The following GIGYF2 variants were observed in gnomAD, a reference collection of about 807,000 sequenced individuals.
The protein encoded by GIGYF2 is GRB10 interacting GYF protein 2.
Under a neutral mutation model 208.1 loss-of-function variants are expected in GIGYF2, and 25 were observed. The observed-to-expected ratio is 0.12, with a 90% CI of 0.09 to 0.17. GIGYF2 has a LOEUF of 0.17. Ranked by LOEUF, GIGYF2 falls within the 10% of genes least tolerant of loss-of-function variation. GIGYF2 has a pLI of 1.00. For missense variants in GIGYF2, 1,302 were observed against 1,579.4 expected (o/e 0.82, Z 2.98); for synonymous variants, 534 against 543.8 (o/e 0.98, Z 0.25).
intron 21 of GIGYF2, among the ~76,000 whole-genome samples, chr2:232,823,754 T>G (rs759258749): frequency 6.6e-6 from 1 of 152,340 alleles, no homozygotes; most frequent in Non-Finnish European, 1.5e-5. Flanking sequence ...CGAAAAAGTT[T>G]GTGTAAGATT....
At chr2:232,735,947 A>G (rs1697717095) in intron 3 of GIGYF2, 4 of 984,194 alleles carry the variant, frequency 4.1e-6, no homozygotes, top group Non-Finnish European at 4.8e-6. Flanking sequence ...CTTTGGTAAT[A>G]TCAGAAGTAG....
At position 232,782,044 on chromosome 2, in the gene GIGYF2, A is replaced by G. The variant is rs139052243; in HGVS notation, c.533-5106A>G. The stretch of plus-strand genomic sequence containing the variant: ...AGGTTATTTATTTACATGTGTGTCC[A>G]TGGACCTGGGGATCAGGTGCTATGT... On this transcript the variant is annotated intron_variant, in intron 8 of 28. Coordinates refer to ENST00000373563, the MANE Select transcript of GIGYF2 (RefSeq NM_001103146.3). Among the ~76,000 whole-genome samples, 1,186 of 152,312 alleles carry G rather than the reference A, an allele frequency of 7.8e-3. 14 individuals carry two copies. The highest frequency in any genetic ancestry group is 0.026 in the African/African-American group (1,096 of 41,550).
intron 18 of GIGYF2, among the ~76,000 whole-genome samples, chr2:232,814,565 A>ACCCCC (rs35081043): frequency 2.2e-4 from 17 of 75,956 alleles, no homozygotes; most frequent in African/African-American, 3.3e-4. Flanking sequence ...TCCACCTCAA[A>ACCCCC]CCCCCCCCCC....
At position 232,791,037 on chromosome 2, in the gene GIGYF2, G is replaced by A; in HGVS notation, c.960G>A (p.Glu320=). 6.2e-7 allele frequency: 1 copy of A among 1,614,028 alleles called. No homozygotes were observed. Among genetic ancestry groups the A allele is most frequent in the Non-Finnish European group, 8.5e-7 (1 of 1,179,962 alleles). The change falls in exon 11 of 29, where the codon GAG becomes GAA. Residue 320 remains glutamate (E), a synonymous_variant. Transcript: ENST00000373563. ...TACAGAAAGAGCCTATTCCAGAAGA[G>A]CAGGAGATGGACTTCCGGCCTGTGG... ...KKVQKEPIPE[E]QEMDFRPVDE...
At chr2:232,815,787 C>A in intron 19 of GIGYF2, 50 bp downstream of exon 19, 1 of 934,298 alleles carries the variant, frequency 1.1e-6, no homozygotes, top group South Asian at 1.3e-5. Context: ...GGCTGCAGGA[C>A]ATAAACATTG....
chr2:232,826,094 C>T (rs1048190746), intron 21 of GIGYF2, among the ~76,000 whole-genome samples: 6 of 152,122 alleles, frequency 3.9e-5, no homozygotes, highest in African/African-American at 1.2e-4. Flanking sequence ...TTTCTTAATC[C>T]AGTCTATCAT....
chr2:232,784,472 C>CT (rs1699841010), intron 8 of GIGYF2, among the ~76,000 whole-genome samples: 1 of 139,066 alleles, frequency 7.2e-6, no homozygotes, highest in Non-Finnish European at 1.5e-5. Context: ...TCACTGCAAG[C>CT]TCCACCTCCC....
intron 3 of GIGYF2, among the ~76,000 whole-genome samples, chr2:232,737,697 C>G (rs116114970): frequency 1.3e-5 from 2 of 151,978 alleles, no homozygotes; most frequent in Admixed American, 6.6e-5. Context: ...TTGTTAACAT[C>G]GAACCAGTGT....
intron 2 of GIGYF2, among the ~76,000 whole-genome samples, chr2:232,710,892 G>T (rs1696364107): frequency 6.6e-6 from 1 of 151,598 alleles, no homozygotes; most frequent in Non-Finnish European, 1.5e-5. Context: ...GTAGAGACAG[G>T]GTTTCACTGT....
In GIGYF2 at chr2:232,829,163, T is replaced by C. The variant is rs191371267; in HGVS notation, c.2530-3694T>C. Among the ~76,000 whole-genome samples the C allele has an allele frequency of 2.7e-4, 41 of 152,278 alleles. 1 individual carries two copies. The highest frequency in any genetic ancestry group is 3.4e-3 in the Middle Eastern group (1 of 294). ...CATTTCTTCCTTTAAATGTTAGTAT[T>C]TGCTCTTGTGTCTTGAGGCTCTATT... On this transcript the variant is annotated intron_variant, in intron 21 of 28. Transcript: ENST00000373563.
intron 1 of GIGYF2, chr2:232,698,436 T>G (rs1461660673): frequency 2.6e-5 from 4 of 152,234 alleles, no homozygotes; most frequent in Non-Finnish European, 5.9e-5. Flanking sequence ...GGGGAAGGTA[T>G]TCTTTCTTTA....
chr2:232,773,220 T>C (rs1699343952), intron 8 of GIGYF2, among the ~76,000 whole-genome samples: 1 of 152,228 alleles, frequency 6.6e-6, no homozygotes, highest in Non-Finnish European at 1.5e-5. Context: ...TTTGTTAGAT[T>C]ATTTTTAAAT....
chr2:232,813,397 A>G (rs977498086), intron 18 of GIGYF2, among the ~76,000 whole-genome samples: 1 of 152,066 alleles, frequency 6.6e-6, no homozygotes, highest in African/African-American at 2.4e-5. Context: ...TTTAGTAGAG[A>G]CAGGATTTCA....
In GIGYF2 at chr2:232,791,054, G is replaced by A. The variant is rs1254014301; in HGVS notation, c.977G>A (p.Arg326Gln). The change falls in exon 11 of 29, where the codon CGG becomes CAG. Residue 326 changes from arginine to glutamine, a missense_variant. By Grantham distance (43) the Arg-to-Gln change is conservative. This residue lies in a region of GIGYF2 where 235 missense variants were observed against 218.8 expected (regional missense o/e 1.07). Transcript: ENST00000373563. The stretch of plus-strand genomic sequence containing the variant: ...CCAGAAGAGCAGGAGATGGACTTCC[G>A]GCCTGTGGACGAAGGGGAGGAGTGC... The part of the protein sequence containing the change: ...PIPEEQEMDF[R>Q]PVDEGEECSD... The A allele has an allele frequency of 4.3e-6, 7 of 1,614,008 alleles. No homozygotes were observed. Among genetic ancestry groups the A allele is most frequent in the African/African-American group, 1.3e-5 (1 of 74,984 alleles).
In GIGYF2 at chr2:232,791,106, A is replaced by G. The variant is rs757193259; in HGVS notation, c.1029A>G (p.Glu343=). Reference sequence around the variant, plus strand: ...CTGACTCTGAGGGTAGCCATAATGAAGAGGCCAAAGAACCCGATAAGACAA... The same window carrying G: ...CTGACTCTGAGGGTAGCCATAATGAGGAGGCCAAAGAACCCGATAAGACAA... ...ECSDSEGSHN[E]EAKEPDKTNK... Residue 343 remains glutamate, a synonymous_variant, in exon 11 of 29, where the codon GAA becomes GAG. Transcript: ENST00000373563. 3 of 1,614,000 alleles carry G rather than the reference A, an allele frequency of 1.9e-6. No homozygotes were observed. In the African/African-American group the frequency reaches 4.0e-5, roughly 22 times the overall value.
chr2:232,844,078 T>G lies in GIGYF2; in HGVS notation c.2922T>G (p.Ala974=), dbSNP rs1254011751. ...GCCAGCAGAGGGAGTTGATGAAAGCTCTTCAGCAGCAGCAGCAACAGCAAC... is the reference window on the plus strand; with the variant it reads ...GCCAGCAGAGGGAGTTGATGAAAGCGCTTCAGCAGCAGCAGCAACAGCAAC... ...QRRQQRELMK[A]LQQQQQQQQQ... The change falls in exon 24 of 29, where the codon GCT becomes GCG. Residue 974 remains alanine, a synonymous_variant. Coordinates refer to ENST00000373563, the MANE Select transcript of GIGYF2 (RefSeq NM_001103146.3). 3 of 1,612,084 alleles carry G rather than the reference T, an allele frequency of 1.9e-6. No homozygotes were observed. The African/African-American group carries it at 4.0e-5, about 21-fold the overall frequency.
chr2:232,833,103 G>A lies in GIGYF2; in HGVS notation c.2766+10G>A, dbSNP rs186776403. 26 of 1,542,488 alleles carry A rather than the reference G, an allele frequency of 1.7e-5. No individual in the cohort carries two copies. Among genetic ancestry groups the A allele is most frequent in the African/African-American group, 1.5e-4 (11 of 72,988 alleles). ...GCTGGCGCAGATGAAGGTAAAGCCCGAGGCATCAACCTTAGGAGCTCCTTG... is the reference window on the plus strand; with the variant it reads ...GCTGGCGCAGATGAAGGTAAAGCCCAAGGCATCAACCTTAGGAGCTCCTTG... On this transcript the variant is annotated intron_variant, in intron 22 of 28. Coordinates refer to ENST00000373563, the MANE Select transcript of GIGYF2 (RefSeq NM_001103146.3).
At chr2:232,718,715 C>T (rs1292948580) in intron 2 of GIGYF2, among the ~76,000 whole-genome samples, 1 of 152,170 alleles carries the variant, frequency 6.6e-6, no homozygotes, top group Non-Finnish European at 1.5e-5. Flanking sequence ...TATCTTAATC[C>T]AGATCTGGCT....
At chr2:232,833,877 A>G (rs977408871) in intron 22 of GIGYF2, among the ~76,000 whole-genome samples, 4 of 152,254 alleles carry the variant, frequency 2.6e-5, no homozygotes, top group Non-Finnish European at 5.9e-5. Flanking sequence ...AGAGGATTCA[A>G]AACTTTTTTT....
Sources: allele counts gnomAD v4.1 joint callset (sites outside exome capture counted in the v4.1 genomes callset), GRCh38; gene constraint gnomAD v4.1.1; regional missense constraint gnomAD v4.1.1; transcripts MANE v1.5; gene names NCBI Gene and HGNC (gene_info 2026-07-23, HGNC 2026-07-21).